The following FBXL17 variants were observed in gnomAD, a reference collection of about 807,000 sequenced individuals.
FBXL17 encodes F-box and leucine rich repeat protein 17, also known as F-box/LRR-repeat protein 17.
FBXL17 carries 22 observed loss-of-function variants against 66.2 expected under a neutral mutation model. The ratio of observed to expected loss-of-function variants is 0.33; its 90% CI spans 0.24 to 0.47. FBXL17 has a LOEUF of 0.47. FBXL17 is among the 20% of genes least tolerant of loss of function. FBXL17 has a pLI of 1.00. For synonymous variants in FBXL17, 474 were observed against 400.5 expected (o/e 1.18, Z -2.19); for missense variants, 878 against 948.2 (o/e 0.93, Z 0.97).
At chr5:108,301,573 C>T (rs1247034990) in intron 4 of FBXL17, among the ~76,000 whole-genome samples, 1 of 151,636 alleles carries the variant, frequency 6.6e-6, no homozygotes, top group Non-Finnish European at 1.5e-5. Flanking sequence ...ACTTCTAGGG[C>T]AGTTGTTTGT....
chr5:108,014,097 G>A (rs1754287437), intron 7 of FBXL17, among the ~76,000 whole-genome samples: 1 of 151,994 alleles, frequency 6.6e-6, no homozygotes, highest in South Asian at 2.1e-4. Flanking sequence ...TGCAGTGAGG[G>A]TTAAAGATAG....
At chr5:107,941,134 A>C (rs1411452566) in intron 7 of FBXL17, among the ~76,000 whole-genome samples, 3 of 149,596 alleles carry the variant, frequency 2.0e-5, no homozygotes, top group African/African-American at 4.9e-5. Flanking sequence ...AAAAAACCCC[A>C]CACACTTTTT....
intron 4 of FBXL17, among the ~76,000 whole-genome samples, chr5:108,230,583 G>A (rs971172383): frequency 6.6e-5 from 10 of 152,124 alleles, no homozygotes; most frequent in African/African-American, 2.2e-4. Flanking sequence ...AGGGTAGGAG[G>A]GGGGTAAGGG....
At chr5:108,196,892 T>G (rs78835317) in intron 5 of FBXL17, among the ~76,000 whole-genome samples, 1 of 152,220 alleles carries the variant, frequency 6.6e-6, no homozygotes, top group Non-Finnish European at 1.5e-5. Flanking sequence ...AACTTTTTTT[T>G]AAGAGCCTCT....
chr5:108,279,833 C>CA (rs1296300702), intron 4 of FBXL17, among the ~76,000 whole-genome samples: 2 of 150,628 alleles, frequency 1.3e-5, no homozygotes, highest in Admixed American at 6.6e-5. Context: ...AAAATATATT[C>CA]AAAAAATTTT....
intron 7 of FBXL17, among the ~76,000 whole-genome samples, chr5:108,001,945 A>AGGG (rs1753745928): frequency 6.6e-6 from 1 of 152,224 alleles, no homozygotes; most frequent in Non-Finnish European, 1.5e-5. Flanking sequence ...AAATAAAAAA[A>AGGG]GACATGCAAA....
At chr5:108,271,736 T>C (rs1030692477) in intron 4 of FBXL17, among the ~76,000 whole-genome samples, 8 of 152,238 alleles carry the variant, frequency 5.3e-5, no homozygotes, top group African/African-American at 1.9e-4. Flanking sequence ...TGTTCATTCA[T>C]TGCTTTCATC....
chr5:107,965,566 A>C (rs1752093305), intron 7 of FBXL17, among the ~76,000 whole-genome samples: 1 of 152,210 alleles, frequency 6.6e-6, no homozygotes, highest in South Asian at 2.1e-4. Flanking sequence ...CAAGGTATAG[A>C]TAAGATCCTT....
At chr5:108,096,646 A>G (rs1299916823) in intron 6 of FBXL17, among the ~76,000 whole-genome samples, 1 of 152,204 alleles carries the variant, frequency 6.6e-6, no homozygotes, top group Non-Finnish European at 1.5e-5. Context: ...AAGCAGACAA[A>G]AACAATAAGA....
At chr5:108,192,430 GA>G (rs142668635) in intron 5 of FBXL17, among the ~76,000 whole-genome samples, 4 of 152,026 alleles carry the variant, frequency 2.6e-5, no homozygotes, top group South Asian at 2.1e-4. Context: ...GCTTTTATTA[GA>G]AAAAAAGTGA....
At chr5:108,293,838 C>A (rs547542862) in intron 4 of FBXL17, among the ~76,000 whole-genome samples, 1 of 151,768 alleles carries the variant, frequency 6.6e-6, no homozygotes, top group Admixed American at 6.6e-5. Context: ...GTCACAAATT[C>A]AAGACCAACC....
intron 8 of FBXL17, among the ~76,000 whole-genome samples, chr5:107,869,401 C>CT (rs1425992556): frequency 6.6e-6 from 1 of 152,126 alleles, no homozygotes. Context: ...CCCACAGACT[C>CT]TAAGATGGGC....
chr5:107,887,632 G>C (rs1342286371), intron 7 of FBXL17, among the ~76,000 whole-genome samples: 1 of 152,140 alleles, frequency 6.6e-6, no homozygotes, highest in Non-Finnish European at 1.5e-5. Flanking sequence ...AGCCACAGAA[G>C]CTCCAAAAAC....
At chr5:108,144,713 T>A (rs1351004112) in intron 6 of FBXL17, among the ~76,000 whole-genome samples, 1 of 152,170 alleles carries the variant, frequency 6.6e-6, no homozygotes, top group Non-Finnish European at 1.5e-5. Context: ...CTTTTTCTTA[T>A]CAGAAACTTC....
intron 7 of FBXL17, among the ~76,000 whole-genome samples, chr5:107,958,305 T>C (rs764989235): frequency 6.6e-6 from 1 of 152,146 alleles, no homozygotes; most frequent in Non-Finnish European, 1.5e-5. Context: ...TTTATGGCCA[T>C]CAATGTTCCC....
chr5:107,873,852 A>G (rs1748531161), intron 8 of FBXL17, among the ~76,000 whole-genome samples: 1 of 152,228 alleles, frequency 6.6e-6, no homozygotes, highest in Non-Finnish European at 1.5e-5. Flanking sequence ...ACTTCAACAC[A>G]GCAATCTATT....
intron 7 of FBXL17, among the ~76,000 whole-genome samples, chr5:107,992,661 T>A (rs897501310): frequency 1.3e-5 from 2 of 152,186 alleles, no homozygotes; most frequent in African/African-American, 4.8e-5. Context: ...AGGAAAATTT[T>A]AAACATAAAT....
At chr5:108,257,675 A>C (rs1165025571) in intron 4 of FBXL17, among the ~76,000 whole-genome samples, 1 of 152,142 alleles carries the variant, frequency 6.6e-6, no homozygotes, top group Non-Finnish European at 1.5e-5. Flanking sequence ...ACAGATACTA[A>C]AGTGGCAGAA....
chr5:108,014,639 T>C (rs1246140960), intron 7 of FBXL17, among the ~76,000 whole-genome samples: 1 of 152,166 alleles, frequency 6.6e-6, no homozygotes. Flanking sequence ...GGAAAGAATG[T>C]CAACAATTTC....
Sources: gnomAD v4.1 joint callset for allele counts (sites outside exome capture counted in the v4.1 genomes callset) on GRCh38, gnomAD v4.1.1 for gene constraint, MANE v1.5 for transcripts, NCBI Gene and HGNC (gene_info 2026-07-23, HGNC 2026-07-21) for gene names.